The following AKR1E2 variants were observed in gnomAD, a reference collection of about 807,000 sequenced individuals.
The protein encoded by AKR1E2 is 1,5-anhydro-D-fructose reductase.
A neutral mutation model predicts 41.9 loss-of-function variants in AKR1E2; 43 were observed. That is an observed-to-expected ratio of 1.03 (90% confidence interval 0.80 to 1.32). The LOEUF is 1.32. AKR1E2 is among the 40% of genes most tolerant of loss of function. The probability of loss-of-function intolerance (pLI) is 0.00; values close to 1 mark genes in which losing one functional copy is unlikely to be tolerated. For synonymous variants in AKR1E2, 121 were observed against 138.9 expected (o/e 0.87, Z 0.91); for missense variants, 423 against 396.5 (o/e 1.07, Z -0.57).
downstream of AKR1E2, among the ~76,000 whole-genome samples, chr10:4,849,902 CTT>C (rs1834491498): frequency 6.6e-6 from 1 of 152,164 alleles, no homozygotes; most frequent in African/African-American, 2.4e-5. Context: ...CTTTTACTGT[CTT>C]TGATTTTAAG....
intron 3 of AKR1E2, among the ~76,000 whole-genome samples, chr10:4,834,792 C>G (rs1316894710): frequency 6.6e-6 from 1 of 152,210 alleles, no homozygotes; most frequent in Non-Finnish European, 1.5e-5. Context: ...GGTCTCAGAT[C>G]ATCCAACAAA....
intron 5 of AKR1E2, among the ~76,000 whole-genome samples, chr10:4,838,032 T>G (rs759546350): frequency 6.6e-6 from 1 of 152,232 alleles, no homozygotes; most frequent in African/African-American, 2.4e-5. Context: ...GAGAAAAGAC[T>G]TGTGGGGAAA....
rs139830049 is a variant in AKR1E2, at chr10:4,827,102, G to A, written c.39+739G>A. The stretch of plus-strand genomic sequence containing the variant: ...AAAAAAAAAAAAAAAAAGAAAAAAG[G>A]AAAATTGGAATTGCTGATTAGGCTT... On this transcript the variant is annotated intron_variant, in intron 1 of 9. Coordinates refer to ENST00000298375, the MANE Select transcript of AKR1E2 (RefSeq NM_001040177.3). 9.5e-3 allele frequency among the ~76,000 whole-genome samples: 1,436 copies of A among 150,578 alleles called. 9 individuals carry two copies. Among genetic ancestry groups the A allele is most frequent in the Middle Eastern group, 0.025 (7 of 284 alleles).
chr10:4,832,654 C>A (rs567505036), intron 2 of AKR1E2, among the ~76,000 whole-genome samples: 1 of 152,304 alleles, frequency 6.6e-6, no homozygotes, highest in South Asian at 2.1e-4. Flanking sequence ...ACATTTACTT[C>A]CAGCATTCAT....
At chr10:4,853,891 GGTC>G in the AKR1E2 span, among the ~76,000 whole-genome samples, 2 of 152,116 alleles carry the variant, frequency 1.3e-5, no homozygotes, top group Non-Finnish European at 2.9e-5. Context: ...AGTGACCTCT[GGTC>G]GTCCTCAATG....
chr10:4,830,940 AC>A, intron 2 of AKR1E2, 98 bp downstream of exon 2: 1 of 1,429,502 alleles, frequency 7.0e-7, no homozygotes, highest in African/African-American at 1.4e-5. Flanking sequence ...TTTGTTTCAT[AC>A]TCAAATCGGA....
the AKR1E2 span, among the ~76,000 whole-genome samples, chr10:4,855,614 T>C: frequency 6.6e-6 from 1 of 152,226 alleles, no homozygotes; most frequent in Admixed American, 6.5e-5. Context: ...TGTCTGTATT[T>C]GTATGTGTTG....
At chr10:4,867,331 G>A in the AKR1E2 span, among the ~76,000 whole-genome samples, 1 of 152,190 alleles carries the variant, frequency 6.6e-6, no homozygotes, top group Admixed American at 6.5e-5. Flanking sequence ...TGTGTTCACT[G>A]TTGTACAATT....
chr10:4,860,190 G>A, the AKR1E2 span, among the ~76,000 whole-genome samples: 1 of 152,190 alleles, frequency 6.6e-6, no homozygotes, highest in Non-Finnish European at 1.5e-5. Flanking sequence ...TTAACTGACA[G>A]GAAATCTTTA....
intron 8 of AKR1E2, among the ~76,000 whole-genome samples, chr10:4,846,363 C>A (rs1161554919): frequency 6.6e-6 from 1 of 152,080 alleles, no homozygotes; most frequent in Non-Finnish European, 1.5e-5. Flanking sequence ...GAGGGAAGGG[C>A]TGAGAAGAAT....
the AKR1E2 span, among the ~76,000 whole-genome samples, chr10:4,860,474 G>A: frequency 6.6e-6 from 1 of 152,302 alleles, no homozygotes; most frequent in South Asian, 2.1e-4. Context: ...ACCAAGGACA[G>A]CATTGTTGTC....
intron 8 of AKR1E2, chr10:4,845,695 G>T: frequency 2.1e-6 from 1 of 470,330 alleles, no homozygotes. Flanking sequence ...GGCTCTCAAT[G>T]CCCGGGATCC....
chr10:4,861,937 A>C, the AKR1E2 span, among the ~76,000 whole-genome samples: 3 of 152,184 alleles, frequency 2.0e-5, no homozygotes, highest in Admixed American at 2.0e-4. Context: ...TGGTTTAATT[A>C]GATCCCATTT....
downstream of AKR1E2, among the ~76,000 whole-genome samples, chr10:4,851,067 C>G (rs1266230870): frequency 1.3e-5 from 2 of 152,164 alleles, no homozygotes; most frequent in Non-Finnish European, 2.9e-5. Context: ...CTTAAACACC[C>G]AAGTTGAAAT....
At chr10:4,840,739 A>T (rs778855386) in intron 6 of AKR1E2, among the ~76,000 whole-genome samples, 10 of 151,688 alleles carry the variant, frequency 6.6e-5, no homozygotes, top group Admixed American at 3.3e-4. Flanking sequence ...TTTTTTTTTA[A>T]ATCTGGCAAA....
intron 8 of AKR1E2, chr10:4,845,655 A>G (rs1834279390): frequency 2.2e-6 from 1 of 454,996 alleles, no homozygotes; most frequent in Non-Finnish European, 4.6e-6. Flanking sequence ...AGGGGGCCAC[A>G]TCGCCCCAGT....
chr10:4,863,270 A>G, the AKR1E2 span, among the ~76,000 whole-genome samples: 39,194 of 152,092 alleles, frequency 0.26, 5,264 homozygotes, highest in Middle Eastern at 0.37. Context: ...CTCTCAGACC[A>G]TAGTGCAATC....
In AKR1E2 at chr10:4,833,217, T is replaced by C. The variant is rs549661486; in HGVS notation, c.208-133T>C. The C allele has an allele frequency of 1.6e-4, 115 of 722,614 alleles. No individual in the cohort carries two copies. In the African/African-American group the frequency reaches 1.6e-3, roughly 10 times the overall value. 44.8% of individuals were successfully genotyped at this position (722,614 alleles called of 1,614,324 possible). A position where few individuals can be genotyped will look rare whatever the true frequency, so the allele number is the denominator to read the frequency against. ...AATGTCCCTGTCCTCCCATCAGAACTTGCCGTGTTGTATTTGTGGTCATCT... is the reference window on the plus strand; with the variant it reads ...AATGTCCCTGTCCTCCCATCAGAACCTGCCGTGTTGTATTTGTGGTCATCT... On this transcript the variant is annotated intron_variant, in intron 2 of 9. Coordinates refer to ENST00000298375, the MANE Select transcript of AKR1E2 (RefSeq NM_001040177.3).
chr10:4,837,813 C>T (rs142469196), intron 5 of AKR1E2, among the ~76,000 whole-genome samples: 28 of 152,306 alleles, frequency 1.8e-4, no homozygotes, highest in African/African-American at 6.3e-4. Context: ...GGTGCTTGGC[C>T]CTCCATGTGC....
Sources: gnomAD v4.1 joint callset for allele counts (sites outside exome capture counted in the v4.1 genomes callset) on GRCh38, gnomAD v4.1.1 for gene constraint, MANE v1.5 for transcripts, NCBI Gene and HGNC (gene_info 2026-07-23, HGNC 2026-07-21) for gene names.